Variants in RBPMS observed in about 807,000 individuals in gnomAD.
RBPMS encodes the protein RNA-binding protein with multiple splicing.
In RBPMS, 7 loss-of-function variants were observed where a neutral mutation model predicts 26.8. That is an observed-to-expected ratio of 0.26 (90% confidence interval 0.15 to 0.49). The LOEUF (loss-of-function observed/expected upper bound fraction) is 0.49. Among genes scored for constraint, RBPMS ranks in the 20% least tolerant of loss-of-function variants. RBPMS has a pLI of 0.98. For synonymous variants in RBPMS, 96 were observed against 93.3 expected, an observed-to-expected ratio of 1.03 and a Z score of -0.17; for missense variants, 186 against 250.0, an observed-to-expected ratio of 0.74 and a Z score of 1.73.
chr8:30,506,871 T>C (rs16877096), intron 5 of RBPMS, among the ~76,000 whole-genome samples: 40,077 of 152,054 alleles, frequency 0.26, 5,403 homozygotes, highest in South Asian at 0.39. Context: ...TCCATAAATA[T>C]ATGAACTTAA....
intron 1 of RBPMS, among the ~76,000 whole-genome samples, chr8:30,392,640 G>A (rs1481835150): frequency 1.3e-5 from 2 of 152,238 alleles, no homozygotes; most frequent in African/African-American, 4.8e-5. Context: ...TGGTCTCAAA[G>A]TGAGGCAGCA....
At chr8:30,565,755 T>C (rs1009634380) in intron 7 of RBPMS, 2 of 152,304 alleles carry the variant, frequency 1.3e-5, no homozygotes, top group South Asian at 2.1e-4. Context: ...GGATTTCCTA[T>C]GGCCTTGGGC....
intron 5 of RBPMS, among the ~76,000 whole-genome samples, chr8:30,516,118 G>A (rs117783900): frequency 0.022 from 3,347 of 152,266 alleles, 63 homozygotes; most frequent in Non-Finnish European, 0.032. Context: ...AGTGGCTCAC[G>A]CCTGTAATTG....
chr8:30,550,397 G>A (rs764483146), intron 6 of RBPMS, among the ~76,000 whole-genome samples: 68 of 152,134 alleles, frequency 4.5e-4, no homozygotes, highest in African/African-American at 1.1e-3. Flanking sequence ...GAGAATGCCC[G>A]GCATATTAGA....
At chr8:30,417,417 A>G (rs745737188) in intron 1 of RBPMS, among the ~76,000 whole-genome samples, 5 of 152,074 alleles carry the variant, frequency 3.3e-5, no homozygotes, top group African/African-American at 1.2e-4. Flanking sequence ...GTCTCAGAAA[A>G]CCTGTTTTAT....
chr8:30,446,857 G>GCGCACGTGCA (rs71206255), intron 1 of RBPMS: 3 of 146,110 alleles, frequency 2.1e-5, no homozygotes, highest in African/African-American at 5.1e-5. Flanking sequence ...GCGCGCGCGC[G>GCGCACGTGCA]CGGTGGAGGG....
chr8:30,417,487 T>C (rs1301871511), intron 1 of RBPMS, among the ~76,000 whole-genome samples: 1 of 152,240 alleles, frequency 6.6e-6, no homozygotes, highest in Admixed American at 6.5e-5. Context: ...CATCTCATTT[T>C]TCTGTTTTTG....
intron 1 of RBPMS, among the ~76,000 whole-genome samples, chr8:30,447,469 C>T (rs1413205018): frequency 6.6e-6 from 1 of 152,282 alleles, no homozygotes; most frequent in East Asian, 1.9e-4. Context: ...TCATTATAAA[C>T]ATCTGACAAA....
rs189723296 is a variant in RBPMS, at chr8:30,427,903, A to G, written c.66+42745A>G. On this transcript the variant is annotated intron_variant, in intron 1 of 8. Coordinates refer to ENST00000397323, the MANE Select transcript of RBPMS (RefSeq NM_001008710.3). ...CTAGTGCATGGTGAAATATTCAGCA[A>G]CTAGGCCAGGTGCCATGGCTTATGC... is the stretch of plus-strand genomic sequence containing the variant. Among the ~76,000 whole-genome samples, 452 of 152,264 alleles carry G rather than the reference A, an allele frequency of 3.0e-3. 5 individuals are homozygous for G. The highest frequency in any genetic ancestry group is 9.9e-3 in the African/African-American group (411 of 41,556).
intron 5 of RBPMS, among the ~76,000 whole-genome samples, chr8:30,530,751 C>T (rs554644391): frequency 6.6e-6 from 1 of 152,278 alleles, no homozygotes; most frequent in South Asian, 2.1e-4. Context: ...CGTGAGCCAC[C>T]ACGCCTGGCC....
chr8:30,570,223 T>C (rs1032026513), intron 8 of RBPMS, among the ~76,000 whole-genome samples: 1 of 152,226 alleles, frequency 6.6e-6, no homozygotes, highest in Non-Finnish European at 1.5e-5. Flanking sequence ...ATTATCTGTT[T>C]ATGGCCTCTT....
intron 6 of RBPMS, chr8:30,549,587 T>A: frequency 6.2e-7 from 1 of 1,612,558 alleles, no homozygotes; most frequent in Non-Finnish European, 8.5e-7. Flanking sequence ...TCCTGTTTGG[T>A]GAGGCTTTCT....
chr8:30,532,438 G>A lies in RBPMS; in HGVS notation c.398-12056G>A, dbSNP rs532059581. 1.7e-4 allele frequency among the ~76,000 whole-genome samples: 26 copies of A among 152,292 alleles called. No individual in the cohort carries two copies. The South Asian group carries it at 2.1e-3, about 12-fold the overall frequency. ...TGTTACTGTTGTTTGACACTGTGCA[G>A]TAACTATATGCATGTCAAATTCGCA... On this transcript the variant is annotated intron_variant, in intron 5 of 8. Transcript: ENST00000397323.
intron 1 of RBPMS, among the ~76,000 whole-genome samples, chr8:30,388,033 A>T (rs967623122): frequency 6.6e-6 from 1 of 152,180 alleles, no homozygotes; most frequent in Non-Finnish European, 1.5e-5. Context: ...TTGGCTAGCC[A>T]GTTGTGTAAG....
At chr8:30,503,125 T>TC (rs925595892) in intron 4 of RBPMS, among the ~76,000 whole-genome samples, 8 of 151,952 alleles carry the variant, frequency 5.3e-5, no homozygotes, top group African/African-American at 2.4e-5. Context: ...TCCTTCCCCT[T>TC]CCCCCCTTGT....
intron 1 of RBPMS, among the ~76,000 whole-genome samples, chr8:30,393,655 C>T (rs535104359): frequency 1.4e-4 from 22 of 152,002 alleles, no homozygotes; most frequent in African/African-American, 5.3e-4. Flanking sequence ...GTAGCTGGGA[C>T]TACAGGCACA....
At chr8:30,514,710 G>A (rs564554262) in intron 5 of RBPMS, among the ~76,000 whole-genome samples, 1,077 of 61,936 alleles carry the variant, frequency 0.017, 6 homozygotes, top group Middle Eastern at 0.047. Flanking sequence ...TTTTAATGTA[G>A]AGGCGGGGTT....
At chr8:30,410,927 A>T (rs1233266599) in intron 1 of RBPMS, among the ~76,000 whole-genome samples, 3 of 151,950 alleles carry the variant, frequency 2.0e-5, no homozygotes, top group Admixed American at 2.0e-4. Context: ...ATTTTAAGGG[A>T]TGGGGTGTTG....
chr8:30,429,521 A>G (rs1811704202), intron 1 of RBPMS, among the ~76,000 whole-genome samples: 1 of 152,230 alleles, frequency 6.6e-6, no homozygotes, highest in Non-Finnish European at 1.5e-5. Context: ...TGATTGATAT[A>G]CATGCCCCCA....
Sources: allele counts gnomAD v4.1 joint callset (sites outside exome capture counted in the v4.1 genomes callset), GRCh38; gene constraint gnomAD v4.1.1; transcripts MANE v1.5; gene names NCBI Gene and HGNC (gene_info 2026-07-23, HGNC 2026-07-21).